Variants in BAZ1A observed in about 807,000 individuals in gnomAD.
The protein encoded by BAZ1A is bromodomain adjacent to zinc finger domain 1A.
Under a neutral mutation model 185.2 loss-of-function variants are expected in BAZ1A, and 50 were observed. The ratio of observed to expected loss-of-function variants is 0.27; its 90% CI spans 0.22 to 0.34. The LOEUF (loss-of-function observed/expected upper bound fraction) is 0.34, where lower values mean the gene tolerates loss of function less well. Among genes scored for constraint, BAZ1A ranks in the 10% least tolerant of loss-of-function variants. The pLI is 1.00. For synonymous variants in BAZ1A, 571 were observed against 615.6 expected, an observed-to-expected ratio of 0.93 and a Z score of 1.07; for missense variants, 1,356 against 1,839.9, an observed-to-expected ratio of 0.74 and a Z score of 4.81.
At position 34,758,805 on chromosome 14, in the gene BAZ1A, G is replaced by T; in HGVS notation, c.4285C>A (p.Gln1429Lys). The T allele has an allele frequency of 6.2e-7, 1 of 1,614,116 alleles. No homozygotes were observed. Among genetic ancestry groups the T allele is most frequent in the Non-Finnish European group, 8.5e-7 (1 of 1,180,000 alleles). The change falls in exon 25 of 27, where the codon CAG becomes AAG. Residue 1429 changes from glutamine (Q) to lysine (K), a missense_variant. Around this residue, in one of 7 missense-constraint regions of BAZ1A, gnomAD observed 309 missense variants for 355.3 expected, o/e 0.87. Coordinates refer to ENST00000360310, the MANE Select transcript of BAZ1A (RefSeq NM_013448.3). Reference sequence around the variant, plus strand: ...GCAGACAATTCATGAACTCCTCCCTGTCGGCCAGAACTCCTTCGACCCAGT... The same window carrying T: ...GCAGACAATTCATGAACTCCTCCCTTTCGGCCAGAACTCCTTCGACCCAGT... The part of the protein sequence containing the change: ...VTLGRRSSGR[Q>K]GGVHELSAFE...
At chr14:34,819,305 T>A (rs2042052343) in intron 4 of BAZ1A, among the ~76,000 whole-genome samples, 1 of 152,164 alleles carries the variant, frequency 6.6e-6, no homozygotes, top group East Asian at 1.9e-4. Flanking sequence ...GGAGCACTAC[T>A]GTATTGTACA....
rs561843657 is a variant in BAZ1A at position 34,801,769 on chromosome 14, C to T, written c.862-576G>A. Among the ~76,000 whole-genome samples the T allele has an allele frequency of 5.9e-5, 9 of 152,076 alleles. No homozygotes were observed. The South Asian group carries it at 8.3e-4, about 14-fold the overall frequency. ...ATTAAAAATGCAAAAATTAGCTGGG[C>T]GTGGTGGCATGCACCGGCAGCCCCA... On this transcript the variant is annotated intron_variant, in intron 7 of 26. Coordinates refer to ENST00000360310, the MANE Select transcript of BAZ1A (RefSeq NM_013448.3).
At chr14:34,816,823 T>C (rs1475405889) in intron 4 of BAZ1A, 1 of 449,272 alleles carries the variant, frequency 2.2e-6, no homozygotes, top group Non-Finnish European at 4.5e-6. Flanking sequence ...TGATTGTAGA[T>C]CAACTTCATT....
At chr14:34,841,955 T>A (rs946059985) in intron 3 of BAZ1A, among the ~76,000 whole-genome samples, 7 of 152,150 alleles carry the variant, frequency 4.6e-5, no homozygotes, top group African/African-American at 7.2e-5. Context: ...TTTTAAAAAA[T>A]TTTTTATGTT....
intron 4 of BAZ1A, among the ~76,000 whole-genome samples, chr14:34,817,228 A>C (rs1008491699): frequency 7.3e-4 from 109 of 148,460 alleles, no homozygotes; most frequent in Non-Finnish European, 1.5e-4. Context: ...ATAAATCAAT[A>C]CACCCCCCCC....
intron 4 of BAZ1A, among the ~76,000 whole-genome samples, 173 bp downstream of exon 4, chr14:34,825,840 A>T (rs1243349017): frequency 6.6e-6 from 1 of 152,170 alleles, no homozygotes; most frequent in Admixed American, 6.5e-5. Context: ...CAGGAGGCTG[A>T]GGCAGGAGAA....
At chr14:34,838,827 G>C (rs1013916708) in intron 3 of BAZ1A, among the ~76,000 whole-genome samples, 4 of 151,928 alleles carry the variant, frequency 2.6e-5, no homozygotes, top group African/African-American at 9.7e-5. Flanking sequence ...TTCTGGCCAG[G>C]AAACAATTAT....
chr14:34,801,302 A>T, intron 7 of BAZ1A, 109 bp from the exon 8 acceptor site: 1 of 799,230 alleles, frequency 1.3e-6, no homozygotes, highest in Non-Finnish European at 2.0e-6. Context: ...TGATTTTTTT[A>T]TTTTTTTGAG....
At chr14:34,835,095 T>C (rs1310058262) in intron 3 of BAZ1A, among the ~76,000 whole-genome samples, 1 of 151,798 alleles carries the variant, frequency 6.6e-6, no homozygotes, top group Non-Finnish European at 1.5e-5. Context: ...GGAGTCTCGC[T>C]CTGTTGCCCA....
chr14:34,760,254 T>C (rs1886463998), intron 24 of BAZ1A, among the ~76,000 whole-genome samples: 1 of 152,178 alleles, frequency 6.6e-6, no homozygotes, highest in East Asian at 1.9e-4. Context: ...TTCAAGTGTA[T>C]TATTTCTCCA....
intron 2 of BAZ1A, among the ~76,000 whole-genome samples, chr14:34,871,056 C>T (rs530494865): frequency 1.0e-3 from 155 of 152,180 alleles, no homozygotes; most frequent in African/African-American, 3.4e-3. Context: ...CAAGTGTCTA[C>T]ATGGCTAAAA....
At chr14:34,833,769 A>G (rs1364213575) in intron 3 of BAZ1A, among the ~76,000 whole-genome samples, 2 of 152,140 alleles carry the variant, frequency 1.3e-5, no homozygotes, top group Admixed American at 1.3e-4. Flanking sequence ...AATAGTGGTG[A>G]TATTTACACA....
chr14:34,765,352 T>C (rs1878768765), intron 21 of BAZ1A, 84 bp from the exon 22 acceptor site: 2 of 1,479,210 alleles, frequency 1.4e-6, no homozygotes, highest in Non-Finnish European at 1.8e-6. Flanking sequence ...AGTTTAAATA[T>C]AGGTTAGATT....
chr14:34,832,215 C>CACATATAT lies in BAZ1A; in HGVS notation c.393-6060_393-6059insATATATGT. Among the ~76,000 whole-genome samples the CACATATAT allele has an allele frequency of 5.6e-5, 5 of 89,670 alleles. 1 individual carries two copies. Among genetic ancestry groups the CACATATAT allele is most frequent in the African/African-American group, 1.5e-4 (4 of 26,744 alleles). 58.8% of individuals were successfully genotyped at this position (89,670 alleles called of 152,430 possible). On this transcript the variant is annotated intron_variant, in intron 3 of 26. Coordinates refer to ENST00000360310, the MANE Select transcript of BAZ1A (RefSeq NM_013448.3). ...ATACACACACACACACACACACACA[C>CACATATAT]ATATATATATATATATGTATGTATG...
In BAZ1A at chr14:34,753,521, T is replaced by C. The variant is rs759665178; in HGVS notation, c.4658A>G (p.Lys1553Arg). 4 of 1,614,128 alleles carry C rather than the reference T, an allele frequency of 2.5e-6. No individual in the cohort carries two copies. In the East Asian group the frequency reaches 8.9e-5, roughly 36 times the overall value. ...AGAAGGACAAAGTCAGATTCGTGAC[T>C]TTTTCGCAGCCGGTGGTGTGCTAAC... ...DQVSTPPAAK[K>R]SRI The change falls in exon 27 of 27, where the codon AAG (lysine) becomes AGG (arginine). Residue 1553 changes from lysine to arginine, a missense_variant. Lys to Arg is a conservative substitution (Grantham distance 26). Around this residue, in one of 7 missense-constraint regions of BAZ1A, gnomAD observed 25 missense variants for 20.1 expected, o/e 1.24. Transcript: ENST00000360310.
At position 34,757,913 on chromosome 14, in the gene BAZ1A, AT is replaced by A. The variant is rs767992906; in HGVS notation, c.4386+790del. 1.2e-3 allele frequency among the ~76,000 whole-genome samples: 178 copies of A among 150,496 alleles called. 1 individual carries two copies. The highest frequency in any genetic ancestry group is 2.1e-3 in the Non-Finnish European group (143 of 67,598). On this transcript the variant is annotated intron_variant, in intron 25 of 26. Transcript: ENST00000360310. ...AGGCGCCTGCCACCACGCCTGGCTA[AT>A]TTTTTTGTATTTTTAGTAGAGATGG...
intron 17 of BAZ1A, 55 bp downstream of exon 17, chr14:34,780,131 C>A: frequency 6.3e-7 from 1 of 1,599,308 alleles, no homozygotes; most frequent in Non-Finnish European, 8.5e-7. Flanking sequence ...TAATAAAGTG[C>A]TTTATTGGTT....
Position 34,794,954 on chromosome 14 carries a change from A to T in BAZ1A, c.1225-67T>A, listed in dbSNP as rs1881101241. 5.7e-6 allele frequency: 9 copies of T among 1,571,484 alleles called. No individual in the cohort carries two copies. In the Admixed American group the frequency reaches 1.4e-4, roughly 24 times the overall value. The stretch of plus-strand genomic sequence containing the variant: ...CAGGAAAACTTAAAAGGCAGAGATG[A>T]CATACTTTTTACCTAACTATTAAGA... On this transcript the variant is annotated intron_variant, in intron 10 of 26. Transcript: ENST00000360310.
chr14:34,854,224 C>T (rs930769636), intron 3 of BAZ1A, among the ~76,000 whole-genome samples: 2 of 151,930 alleles, frequency 1.3e-5, no homozygotes, highest in African/African-American at 2.4e-5. Flanking sequence ...GTCAGGAGTT[C>T]GAGACCAGCC....
Sources: gnomAD v4.1 joint callset for allele counts (sites outside exome capture counted in the v4.1 genomes callset) on GRCh38, gnomAD v4.1.1 for gene constraint, gnomAD v4.1.1 regional missense constraint, MANE v1.5 for transcripts, NCBI Gene and HGNC (gene_info 2026-07-23, HGNC 2026-07-21) for gene names.